The following UBN2 variants were observed in gnomAD, a reference collection of about 807,000 sequenced individuals.
The protein encoded by UBN2 is ubinuclein 2, also known as ubinuclein-2.
A neutral mutation model predicts 120.2 loss-of-function variants in UBN2; 35 were observed. That is an observed-to-expected ratio of 0.29 (90% CI 0.22 to 0.39). The LOEUF (loss-of-function observed/expected upper bound fraction) is 0.39, where lower values mean the gene tolerates loss of function less well. UBN2 is among the 10% of genes least tolerant of loss of function. The pLI, the probability that UBN2 is intolerant of heterozygous loss-of-function variation, is 1.00. For missense variants in UBN2, 1,693 were observed against 1,663.2 expected (o/e 1.02, Z -0.31); for synonymous variants, 661 against 648.7 (o/e 1.02, Z -0.29).
intron 17 of UBN2, among the ~76,000 whole-genome samples, chr7:139,296,427 T>G (rs1798112137): frequency 6.6e-6 from 1 of 152,174 alleles, no homozygotes; most frequent in South Asian, 2.1e-4. Context: ...CTGGTCAAAT[T>G]TGTTCCTTTT....
At chr7:139,257,255 T>C (rs988675767) in intron 3 of UBN2, among the ~76,000 whole-genome samples, 2 of 152,240 alleles carry the variant, frequency 1.3e-5, no homozygotes, top group African/African-American at 4.8e-5. Context: ...AAGTGTGATT[T>C]AAACAAATTG....
intron 2 of UBN2, among the ~76,000 whole-genome samples, chr7:139,251,128 A>C (rs1796613679): frequency 6.6e-6 from 1 of 152,060 alleles, no homozygotes; most frequent in Non-Finnish European, 1.5e-5. Context: ...GCAGTGAGCC[A>C]TGATCATGCC....
At chr7:139,286,122 A>T (rs1797778772) in intron 15 of UBN2, among the ~76,000 whole-genome samples, 1 of 152,040 alleles carries the variant, frequency 6.6e-6, no homozygotes, top group African/African-American at 2.4e-5. Flanking sequence ...GAGACAGTGT[A>T]TTGCCATGTT....
chr7:139,279,219 C>T (rs1335630668), intron 12 of UBN2, 99 bp from the exon 13 acceptor site: 1 of 942,622 alleles, frequency 1.1e-6, no homozygotes, highest in Non-Finnish European at 1.6e-6. Context: ...TTCCAAATAG[C>T]AGAAGGAATT....
chr7:139,319,185 C>T, the UBN2 span, among the ~76,000 whole-genome samples: 34 of 152,116 alleles, frequency 2.2e-4, no homozygotes, highest in African/African-American at 8.0e-4. Context: ...CGGGTTCAAG[C>T]GATTTTCCTG....
At chr7:139,251,848 A>G (rs1796632931) in intron 2 of UBN2, 108 bp from the exon 3 acceptor site, 1 of 923,824 alleles carries the variant, frequency 1.1e-6, no homozygotes, top group Non-Finnish European at 1.7e-6. Flanking sequence ...AACCTCCTGG[A>G]GAGGGGGACT....
the UBN2 span, among the ~76,000 whole-genome samples, chr7:139,321,041 T>C: frequency 6.6e-6 from 1 of 152,224 alleles, no homozygotes; most frequent in African/African-American, 2.4e-5. Context: ...AAGGGGTTAC[T>C]TTTTATAATG....
chr7:139,242,005 C>A lies in UBN2; in HGVS notation c.561+4908C>A, dbSNP rs1025192538. The stretch of plus-strand genomic sequence containing the variant: ...AGAGCGAGAATCCAGCTCCCCCCCC[C>A]AAAAAAAGTCTTGATTTTCTTTTGT... On this transcript the variant is annotated intron_variant, in intron 2 of 17. Coordinates refer to ENST00000473989, the MANE Select transcript of UBN2 (RefSeq NM_173569.4). Among the ~76,000 whole-genome samples, 21 of 151,558 alleles carry A rather than the reference C, an allele frequency of 1.4e-4. 1 individual carries two copies. The highest frequency in any genetic ancestry group is 3.4e-4 in the African/African-American group (14 of 41,290).
intron 1 of UBN2, 25 bp downstream of exon 1, chr7:139,231,977 C>T (rs1366979635): frequency 1.9e-6 from 3 of 1,567,418 alleles, no homozygotes; most frequent in Non-Finnish European, 1.7e-6. Flanking sequence ...TCCCTCCTGC[C>T]CCAGACCCCG....
chr7:139,246,878 G>T lies in UBN2; in HGVS notation c.562-5078G>T, dbSNP rs530895930. Among the ~76,000 whole-genome samples the T allele has an allele frequency of 2.0e-5, 3 of 152,144 alleles. No individual in the cohort carries two copies. In the South Asian group the frequency reaches 6.2e-4, roughly 32 times the overall value. The stretch of plus-strand genomic sequence containing the variant: ...TACTTTTGAAATTCCTCCATGTATT[G>T]CCTGTGTCCCTTCTTATTGCCGAGC... On this transcript the variant is annotated intron_variant, in intron 2 of 17. Coordinates refer to ENST00000473989, the MANE Select transcript of UBN2 (RefSeq NM_173569.4).
At chr7:139,240,012 A>G (rs1796272854) in intron 2 of UBN2, among the ~76,000 whole-genome samples, 1 of 152,178 alleles carries the variant, frequency 6.6e-6, no homozygotes, top group African/African-American at 2.4e-5. Flanking sequence ...CAACCCTAGG[A>G]TAGTATCTGG....
intron 2 of UBN2, among the ~76,000 whole-genome samples, chr7:139,237,780 A>G (rs1796205091): frequency 6.6e-6 from 1 of 152,162 alleles, no homozygotes; most frequent in African/African-American, 2.4e-5. Flanking sequence ...TTCCGCCACC[A>G]TCGAGAATGC....
chr7:139,277,373 C>T (rs963948691), intron 12 of UBN2: 16 of 152,150 alleles, frequency 1.1e-4, no homozygotes, highest in Admixed American at 5.9e-4. Context: ...CTACTGTTGA[C>T]CTGAAGCCTT....
rs148679490 is a variant in UBN2 at position 139,236,670 on chromosome 7, A to G, written c.469-335A>G. On this transcript the variant is annotated intron_variant, in intron 1 of 17. Transcript: ENST00000473989. ...AATTTGGATTGTTGAGTTCTTACTC[A>G]TCAAAACACTGTGAAATGTATATGA... Among the ~76,000 whole-genome samples the G allele has an allele frequency of 3.3e-5, 5 of 152,208 alleles. No individual in the cohort carries two copies. In the East Asian group the frequency reaches 9.6e-4, roughly 29 times the overall value.
chr7:139,273,603 T>G (rs756294461), intron 10 of UBN2, among the ~76,000 whole-genome samples, 193 bp downstream of exon 10: 1 of 152,228 alleles, frequency 6.6e-6, no homozygotes, highest in African/African-American at 2.4e-5. Context: ...TCATATACAC[T>G]GTAATACTTT....
At position 139,303,512 on chromosome 7, in the gene UBN2, A is replaced by G. The variant is rs1258569982; in HGVS notation, c.*5676A>G. On this transcript the variant is annotated 3_prime_UTR_variant, in exon 18 of 18. Coordinates refer to ENST00000473989, the MANE Select transcript of UBN2 (RefSeq NM_173569.4). ...CAGGCAGTTGGAATTCACGAGTGTT[A>G]TTCTTGAATGACTATGTCTAGGGGG... 6.6e-6 allele frequency: 1 copy of G among 152,236 alleles called. No individual in the cohort carries two copies. The highest frequency in any genetic ancestry group is 1.5e-5 in the Non-Finnish European group (1 of 68,036). 9.4% of individuals were successfully genotyped at this position (152,236 alleles called of 1,614,324 possible).
At chr7:139,290,003 C>G (rs1797906101) in intron 15 of UBN2, among the ~76,000 whole-genome samples, 1 of 152,150 alleles carries the variant, frequency 6.6e-6, no homozygotes, top group Admixed American at 6.5e-5. Context: ...AAGCGGTTCT[C>G]CTGCCTCAGC....
chr7:139,280,826 A>G (rs984537244), intron 13 of UBN2, among the ~76,000 whole-genome samples: 1 of 152,104 alleles, frequency 6.6e-6, no homozygotes, highest in South Asian at 2.1e-4. Flanking sequence ...TTATATTTTT[A>G]GCAGAGACGG....
Position 139,284,001 on chromosome 7 carries a change from G to C in UBN2, c.3096G>C (p.Ser1032=). 2 of 1,613,952 alleles carry C rather than the reference G, an allele frequency of 1.2e-6. No homozygotes were observed. The change falls in exon 15 of 18, where the codon TCG becomes TCC. Residue 1032 remains serine, a synonymous_variant. Transcript: ENST00000473989. ...ISTQGFKSPF[S]MAASPKLAAS... ...CGCAGGGTTTCAAATCTCCCTTCTC[G>C]ATGGCTGCCTCCCCAAAACTTGCCG...
Sources: gnomAD v4.1 joint callset for allele counts (sites outside exome capture counted in the v4.1 genomes callset) on GRCh38, gnomAD v4.1.1 for gene constraint, MANE v1.5 for transcripts, NCBI Gene and HGNC (gene_info 2026-07-23, HGNC 2026-07-21) for gene names.